Variants in XPO6 observed in about 807,000 individuals in gnomAD.
XPO6 encodes the protein exportin-6.
Under a neutral mutation model 130.0 loss-of-function variants are expected in XPO6, and 3 were observed. The observed-to-expected ratio is 0.02, with a 90% confidence interval of 0.01 to 0.06. The LOEUF is 0.06. XPO6 is among the 10% of genes least tolerant of loss of function. XPO6 has a pLI of 1.00. For missense variants in XPO6, 970 were observed against 1,393.0 expected (o/e 0.70, Z 4.83); for synonymous variants, 524 against 548.9 (o/e 0.95, Z 0.63).
chr16:28,137,927 A>C (rs1301316153), intron 9 of XPO6, among the ~76,000 whole-genome samples: 8 of 151,930 alleles, frequency 5.3e-5, no homozygotes, highest in African/African-American at 1.7e-4. Context: ...ACGAGCACCC[A>C]CTATTTAGCT....
intron 7 of XPO6, chr16:28,153,214 C>G: frequency 1.0e-6 from 1 of 992,818 alleles, no homozygotes. Context: ...AACCAGGCTA[C>G]GAAGGGCATG....
rs542968721 is a variant in XPO6, at chr16:28,186,204, G to A, written c.4-5173C>T. 8.6e-5 allele frequency among the ~76,000 whole-genome samples: 13 copies of A among 151,986 alleles called. No homozygotes were observed. In the South Asian group the frequency reaches 1.9e-3, roughly 22 times the overall value. ...GCGGACTGTTGCTTCTCACTCTTTT[G>A]CAGGTTTGTACCTTCTCCCTCACCA... On this transcript the variant is annotated intron_variant, in intron 1 of 23. Coordinates refer to ENST00000304658, the MANE Select transcript of XPO6 (RefSeq NM_015171.4).
chr16:28,152,675 T>G lies in XPO6; in HGVS notation c.1208A>C (p.Lys403Thr), dbSNP rs1229837405. The G allele has an allele frequency of 3.7e-6, 6 of 1,612,282 alleles. No individual in the cohort carries two copies. The East Asian group carries it at 1.3e-4, about 36-fold the overall frequency. ...PVVEFLTLLF[K>T]YTFHQPTHEG... ...GTGCTTTACCTGATGAAATGTGTAC[T>G]TGAACAAAAGTGTCAAAAACTCCAC... Residue 403 changes from lysine (K) to threonine (T), a missense_variant, in exon 8 of 24, where the codon AAG (lysine) becomes ACG (threonine). Lys to Thr is a moderately conservative substitution (Grantham distance 78). Transcript: ENST00000304658.
intron 4 of XPO6, 49 bp from the exon 5 acceptor site, chr16:28,169,958 C>A: frequency 6.2e-7 from 1 of 1,601,226 alleles, no homozygotes; most frequent in Non-Finnish European, 8.5e-7. Flanking sequence ...TAATAAAGTA[C>A]AAAGAGGACT....
At chr16:28,181,064 C>G in intron 1 of XPO6, 33 bp from the exon 2 acceptor site, 1 of 1,532,232 alleles carries the variant, frequency 6.5e-7, no homozygotes, top group Non-Finnish European at 9.0e-7. Context: ...AATCAATAAG[C>G]TGCATCTTCA....
chr16:28,152,089 TAC>T (rs2043103327), intron 8 of XPO6, among the ~76,000 whole-genome samples: 1 of 151,918 alleles, frequency 6.6e-6, no homozygotes, highest in Non-Finnish European at 1.5e-5. Context: ...TGTGTGTGTG[TAC>T]ACACACATAC....
chr16:28,209,600 A>G lies in XPO6; in HGVS notation c.3+1766T>C, dbSNP rs969742719. ...AGTTGCCGTGAGCTGAGACTGCACC[A>G]CTGCACTCCAGCCTGGGCAACAACA... On this transcript the variant is annotated intron_variant, in intron 1 of 23. Coordinates refer to ENST00000304658, the MANE Select transcript of XPO6 (RefSeq NM_015171.4). Among the ~76,000 whole-genome samples, 21 of 147,658 alleles carry G rather than the reference A, an allele frequency of 1.4e-4. No homozygotes were observed. The Admixed American group carries it at 1.5e-3, about 10-fold the overall frequency.
At chr16:28,120,791 G>C (rs556584708) in intron 14 of XPO6, among the ~76,000 whole-genome samples, 2 of 152,312 alleles carry the variant, frequency 1.3e-5, no homozygotes, top group South Asian at 4.1e-4. Context: ...GGAGTCGGCA[G>C]ACCTTTTCTG....
intron 1 of XPO6, among the ~76,000 whole-genome samples, chr16:28,187,316 C>G (rs1358632018): frequency 1.3e-5 from 2 of 152,154 alleles, no homozygotes; most frequent in African/African-American, 4.8e-5. Context: ...CAGATCAGGT[C>G]ATTTACATCT....
intron 8 of XPO6, among the ~76,000 whole-genome samples, chr16:28,149,760 A>T (rs2043053510): frequency 6.6e-6 from 1 of 152,196 alleles, no homozygotes; most frequent in Admixed American, 6.5e-5. Flanking sequence ...ATCAGAACAC[A>T]TCCCTGTCAA....
chr16:28,115,561 T>A (rs1346759206), intron 15 of XPO6, among the ~76,000 whole-genome samples: 1 of 152,248 alleles, frequency 6.6e-6, no homozygotes, highest in Non-Finnish European at 1.5e-5. Context: ...GTTCCATTTA[T>A]AGAGACAGGC....
In XPO6 at chr16:28,111,720, A is replaced by T. The variant is rs2086926155; in HGVS notation, c.2341+97T>A. ...CTCTGTGGGACTATGAACAAAAAAA[A>T]TTTACCTCAGGAGCCTCCGGGGCAA... is the stretch of plus-strand genomic sequence containing the variant. On this transcript the variant is annotated intron_variant, in intron 17 of 23. Transcript: ENST00000304658. 6 of 1,425,804 alleles carry T rather than the reference A, an allele frequency of 4.2e-6. No individual in the cohort carries two copies. In the South Asian group the frequency reaches 8.4e-5, roughly 20 times the overall value. The allele number at this position is 1,425,804 out of a possible 1,614,324, so 88.3% of individuals were successfully genotyped here. A position where few individuals can be genotyped will look rare whatever the true frequency, so the allele number is the denominator to read the frequency against.
chr16:28,153,743 GC>G, intron 7 of XPO6: 1 of 985,390 alleles, frequency 1.0e-6, no homozygotes, highest in Non-Finnish European at 1.2e-6. Flanking sequence ...GACATACTAG[GC>G]CTTAGCTGAA....
At chr16:28,166,475 A>C in intron 6 of XPO6, 33 bp downstream of exon 6, 1 of 1,558,072 alleles carries the variant, frequency 6.4e-7, no homozygotes, top group Non-Finnish European at 8.7e-7. Flanking sequence ...ACATTTAAAA[A>C]GAAGAATGCC....
In XPO6 at chr16:28,107,637, A is replaced by G; in HGVS notation, c.2382T>C (p.Asp794=). Residue 794 remains aspartate, a synonymous_variant, in exon 18 of 24, where the codon GAT becomes GAC. Transcript: ENST00000304658. Reference sequence around the variant, plus strand: ...ACTCCCCCGAGATATTCTCCACAATATCTTCTAAGACGCTGAGTGTCTGGT... The same window carrying G: ...ACTCCCCCGAGATATTCTCCACAATGTCTTCTAAGACGCTGAGTGTCTGGT... The part of the protein sequence containing the change: ...IIHQTLSVLE[D]IVENISGEST... 6.2e-7 allele frequency: 1 copy of G among 1,614,194 alleles called. No individual in the cohort carries two copies. Among genetic ancestry groups the G allele is most frequent in the Non-Finnish European group, 8.5e-7 (1 of 1,180,036 alleles).
intron 1 of XPO6, among the ~76,000 whole-genome samples, chr16:28,188,917 C>G (rs555332997): frequency 6.6e-6 from 1 of 152,096 alleles, no homozygotes; most frequent in South Asian, 2.1e-4. Flanking sequence ...TCTCTCCCTC[C>G]GGTCACTACT....
chr16:28,108,613 C>T (rs1344015192), intron 17 of XPO6, among the ~76,000 whole-genome samples: 1 of 152,312 alleles, frequency 6.6e-6, no homozygotes, highest in Middle Eastern at 3.4e-3. Flanking sequence ...ACCAGCCTCC[C>T]CAAAGTGACG....
In XPO6 at chr16:28,135,269, T is replaced by G. The variant is rs771616851; in HGVS notation, c.1390A>C (p.Arg464=). 1.9e-6 allele frequency: 3 copies of G among 1,614,092 alleles called. No individual in the cohort carries two copies. The highest frequency in any genetic ancestry group is 1.7e-6 in the Non-Finnish European group (2 of 1,179,976). The change falls in exon 10 of 24, where the codon AGA becomes CGA. Residue 464 remains arginine, a synonymous_variant. Coordinates refer to ENST00000304658, the MANE Select transcript of XPO6 (RefSeq NM_015171.4). ...LTEVLNRIQF[R]YNQAQLEELD... ...TCCTCCAGCTGGGCTTGGTTGTATC[T>G]GAACTGGATTCGATTCAACACCTCT...
At chr16:28,195,570 T>G (rs1338781170) in intron 1 of XPO6, among the ~76,000 whole-genome samples, 3 of 152,106 alleles carry the variant, frequency 2.0e-5, no homozygotes, top group Non-Finnish European at 4.4e-5. Context: ...CTGGTCAACA[T>G]GGTGAAACCT....
Sources: allele counts gnomAD v4.1 joint callset (sites outside exome capture counted in the v4.1 genomes callset), GRCh38; gene constraint gnomAD v4.1.1; transcripts MANE v1.5; gene names NCBI Gene and HGNC (gene_info 2026-07-23, HGNC 2026-07-21).